The following RHOBTB1 variants were observed in gnomAD, a reference collection of about 807,000 sequenced individuals.
RHOBTB1 encodes Rho related BTB domain containing 1, also known as rho-related BTB domain-containing protein 1.
A neutral mutation model predicts 71.6 loss-of-function variants in RHOBTB1; 40 were observed. The observed-to-expected ratio is 0.56, with a 90% CI of 0.43 to 0.73. The LOEUF (loss-of-function observed/expected upper bound fraction) is 0.73. Ranked by LOEUF, RHOBTB1 falls within the 30% of genes least tolerant of loss-of-function variation. RHOBTB1 has a pLI of 0.00. For missense variants in RHOBTB1, 797 were observed against 894.0 expected (o/e 0.89, Z 1.38); for synonymous variants, 319 against 334.9 (o/e 0.95, Z 0.52).
At chr10:60,935,841 C>G (rs564902316) in intron 2 of RHOBTB1, among the ~76,000 whole-genome samples, 1 of 152,168 alleles carries the variant, frequency 6.6e-6, no homozygotes, top group Admixed American at 6.5e-5. Context: ...GGTGAAAGTA[C>G]AATATAATGG....
rs183546999 is a variant in RHOBTB1, at chr10:60,869,588, A to T, written c.*1894T>A. ...AACACTAGTGGATATTATTGCTTAT[A>T]CCCCAAGTTCATTTATACATCCATT... On this transcript the variant is annotated 3_prime_UTR_variant, in exon 11 of 11. Coordinates refer to ENST00000337910, the MANE Select transcript of RHOBTB1 (RefSeq NM_014836.5). The T allele has an allele frequency of 1.2e-4, 18 of 152,752 alleles. No homozygotes were observed. Among genetic ancestry groups the T allele is most frequent in the Non-Finnish European group, 2.4e-4 (16 of 68,036 alleles). The allele number at this position is 152,752 out of a possible 1,614,324, so 9.5% of individuals were successfully genotyped here.
chr10:60,935,329 G>C (rs12411699), intron 2 of RHOBTB1, among the ~76,000 whole-genome samples: 1 of 152,170 alleles, frequency 6.6e-6, no homozygotes, highest in South Asian at 2.1e-4. Context: ...TGATTGGGTA[G>C]TGGCTGGATA....
chr10:60,995,165 A>T (rs954601942), intron 1 of RHOBTB1, among the ~76,000 whole-genome samples: 2 of 152,180 alleles, frequency 1.3e-5, no homozygotes, highest in Non-Finnish European at 2.9e-5. Flanking sequence ...TATACCAGTA[A>T]GAGGACTATA....
intron 1 of RHOBTB1, among the ~76,000 whole-genome samples, chr10:60,998,956 A>G (rs1388094816): frequency 1.3e-5 from 2 of 152,188 alleles, no homozygotes; most frequent in East Asian, 3.9e-4. Context: ...AGCTTCTTTG[A>G]GCCTCAGTTT....
intron 7 of RHOBTB1, among the ~76,000 whole-genome samples, chr10:60,884,985 C>T (rs920526396): frequency 5.3e-5 from 8 of 151,876 alleles, no homozygotes; most frequent in Non-Finnish European, 7.4e-5. Flanking sequence ...GTGGCACAAT[C>T]ATAGCTCACT....
chr10:60,905,837 T>C (rs1764001306), intron 4 of RHOBTB1, among the ~76,000 whole-genome samples: 1 of 152,158 alleles, frequency 6.6e-6, no homozygotes, highest in African/African-American at 2.4e-5. Flanking sequence ...CACTCACTGA[T>C]CCTTACTTTT....
At chr10:61,001,504 C>CG (rs1158382418), upstream of RHOBTB1, 1 of 151,378 alleles carries the variant, frequency 6.6e-6, no homozygotes, top group Non-Finnish European at 1.5e-5. Context: ...CGCCCCGCCC[C>CG]GCCGACCCCG....
At chr10:60,931,812 C>T (rs763799489) in intron 2 of RHOBTB1, among the ~76,000 whole-genome samples, 2 of 152,088 alleles carry the variant, frequency 1.3e-5, no homozygotes, top group Non-Finnish European at 2.9e-5. Context: ...TTCTGAGTAT[C>T]AGACACAGAA....
intron 2 of RHOBTB1, among the ~76,000 whole-genome samples, chr10:60,964,082 G>T (rs1468646169): frequency 6.6e-6 from 1 of 152,114 alleles, no homozygotes; most frequent in African/African-American, 2.4e-5. Context: ...TGTTAAGGCA[G>T]GCAATACATG....
intron 2 of RHOBTB1, among the ~76,000 whole-genome samples, chr10:60,980,151 A>T (rs1167064428): frequency 6.6e-6 from 1 of 152,236 alleles, no homozygotes; most frequent in Non-Finnish European, 1.5e-5. Flanking sequence ...AGTTAAATTC[A>T]TTAAAATTAA....
chr10:60,938,311 C>T (rs961331432), intron 2 of RHOBTB1, among the ~76,000 whole-genome samples: 4 of 152,184 alleles, frequency 2.6e-5, no homozygotes, highest in East Asian at 1.9e-4. Flanking sequence ...ATTTAGAAGA[C>T]TTGGCACTTT....
intron 2 of RHOBTB1, among the ~76,000 whole-genome samples, chr10:60,972,452 G>A (rs1217796341): frequency 1.3e-5 from 2 of 151,954 alleles, no homozygotes; most frequent in South Asian, 2.1e-4. Context: ...ACCAAACATC[G>A]CATGTTCTCA....
downstream of RHOBTB1, among the ~76,000 whole-genome samples, chr10:60,864,565 C>A (rs1337877585): frequency 1.3e-5 from 2 of 152,082 alleles, no homozygotes; most frequent in Non-Finnish European, 2.9e-5. Flanking sequence ...AAGCAACCAG[C>A]GGAATAGCAT....
At chr10:60,861,054 G>A in the RHOBTB1 span, among the ~76,000 whole-genome samples, 2 of 152,182 alleles carry the variant, frequency 1.3e-5, no homozygotes, top group Non-Finnish European at 2.9e-5. Flanking sequence ...GCTGAATCAA[G>A]ATATGATCAC....
At chr10:60,929,414 C>G (rs977795395) in intron 2 of RHOBTB1, among the ~76,000 whole-genome samples, 1 of 152,074 alleles carries the variant, frequency 6.6e-6, no homozygotes, top group Admixed American at 6.5e-5. Context: ...TAAAGTTGTT[C>G]TTAGATATCA....
At chr10:60,960,031 C>A (rs899061766) in intron 2 of RHOBTB1, among the ~76,000 whole-genome samples, 1 of 152,156 alleles carries the variant, frequency 6.6e-6, no homozygotes, top group African/African-American at 2.4e-5. Context: ...TTTGTTCTGA[C>A]ATGGAGATTG....
intron 4 of RHOBTB1, among the ~76,000 whole-genome samples, chr10:60,904,566 C>T (rs2082569188): frequency 2.0e-5 from 3 of 152,218 alleles, no homozygotes; most frequent in Admixed American, 2.0e-4. Flanking sequence ...CAAAAGCTCT[C>T]TCTCTAATCG....
At chr10:60,945,876 C>T (rs1022789429), upstream of RHOBTB1, among the ~76,000 whole-genome samples, 7 of 152,196 alleles carry the variant, frequency 4.6e-5, no homozygotes, top group Non-Finnish European at 1.0e-4. Flanking sequence ...TGATCATTTA[C>T]TTGGCATAAA....
At chr10:60,941,343 A>AT (rs781681687) in intron 2 of RHOBTB1, among the ~76,000 whole-genome samples, 58 of 150,624 alleles carry the variant, frequency 3.9e-4, no homozygotes, top group East Asian at 1.2e-3. Context: ...CCTCCCAGAG[A>AT]TTTTTTTTTT....
Sources: gnomAD v4.1 joint callset for allele counts (sites outside exome capture counted in the v4.1 genomes callset) on GRCh38, gnomAD v4.1.1 for gene constraint, MANE v1.5 for transcripts, NCBI Gene and HGNC (gene_info 2026-07-23, HGNC 2026-07-21) for gene names.